Variants in MOB1B observed in about 807,000 individuals in gnomAD.
MOB1B encodes the protein MOB kinase activator 1B.
MOB1B carries 19 observed loss-of-function variants against 24.4 expected under a neutral mutation model. That is an observed-to-expected ratio of 0.78 (90% CI 0.54 to 1.14). The LOEUF (loss-of-function observed/expected upper bound fraction) is 1.14. Ranked by LOEUF, MOB1B falls within the 50% of genes most tolerant of loss-of-function variation. The pLI is 0.00. For synonymous variants in MOB1B, 76 were observed against 82.1 expected, an observed-to-expected ratio of 0.93 and a Z score of 0.40; for missense variants, 243 against 259.6, an observed-to-expected ratio of 0.94 and a Z score of 0.44.
intron 1 of MOB1B, 55 bp downstream of exon 1, chr4:70,902,605 G>T: frequency 9.1e-7 from 1 of 1,093,982 alleles, no homozygotes; most frequent in East Asian, 4.1e-5. Context: ...CTGGGCCCCC[G>T]CCCGCCGCCC....
At position 70,959,012 on chromosome 4, in the gene MOB1B, A is replaced by C. The variant is rs1362713671; in HGVS notation, c.153A>C (p.Glu51Asp). ...TGGCTGTCATGCTTCCTGAAGGGGA[A>C]GATCTCAATGAATGGGTTGCAGTTA... The part of the protein sequence containing the change: ...LRMAVMLPEG[E>D]DLNEWVAVNT... The change falls in exon 2 of 6, where the codon GAA (glutamate) becomes GAC (aspartate). Residue 51 changes from glutamate to aspartate, a missense_variant. By Grantham distance (45) the Glu-to-Asp change is conservative. Transcript: ENST00000309395. 8 of 1,613,828 alleles carry C rather than the reference A, an allele frequency of 5.0e-6. No homozygotes were observed. Among genetic ancestry groups the C allele is most frequent in the Non-Finnish European group, 6.8e-6 (8 of 1,179,956 alleles).
chr4:70,935,210 A>AT (rs1483761117), intron 1 of MOB1B, among the ~76,000 whole-genome samples: 2 of 152,138 alleles, frequency 1.3e-5, no homozygotes, highest in Non-Finnish European at 2.9e-5. Flanking sequence ...TGACCAACAA[A>AT]TGACCCTATG....
At chr4:70,979,979 G>T (rs1274779959) in intron 5 of MOB1B, among the ~76,000 whole-genome samples, 2 of 152,174 alleles carry the variant, frequency 1.3e-5, no homozygotes, top group Non-Finnish European at 2.9e-5. Context: ...GAGCTGACCA[G>T]TTTTTTATTG....
chr4:70,968,416 A>G (rs548936561), intron 2 of MOB1B, among the ~76,000 whole-genome samples: 1 of 152,056 alleles, frequency 6.6e-6, no homozygotes, highest in African/African-American at 2.4e-5. Context: ...GGTTCAAGCA[A>G]TTCTCCTGCC....
At position 70,916,779 on chromosome 4, in the gene MOB1B, G is replaced by T. The variant is rs576716993; in HGVS notation, c.14+14229G>T. On this transcript the variant is annotated intron_variant, in intron 1 of 5. Transcript: ENST00000309395. ...AGACGGGGTTTCACCATGTTGGCTA[G>T]CCTCGTCTCGAACTCCTGACCTGAG... Among the ~76,000 whole-genome samples, 9 of 152,260 alleles carry T rather than the reference G, an allele frequency of 5.9e-5. No homozygotes were observed. The East Asian group carries it at 1.7e-3, about 29-fold the overall frequency.
At chr4:70,925,803 G>A (rs1468832883) in intron 1 of MOB1B, among the ~76,000 whole-genome samples, 1 of 152,174 alleles carries the variant, frequency 6.6e-6, no homozygotes, top group Non-Finnish European at 1.5e-5. Context: ...GTCTTTGAGA[G>A]ATTCCCAATA....
intron 1 of MOB1B, among the ~76,000 whole-genome samples, chr4:70,908,375 T>C (rs1445801688): frequency 1.3e-5 from 2 of 149,100 alleles, no homozygotes; most frequent in Non-Finnish European, 3.0e-5. Context: ...CTGAACTAGG[T>C]GTATTTCTGT....
Position 70,916,976 on chromosome 4 carries a change from C to A in MOB1B, c.14+14426C>A, listed in dbSNP as rs914348731. 2.0e-5 allele frequency among the ~76,000 whole-genome samples: 3 copies of A among 152,204 alleles called. 1 individual carries two copies. The East Asian group carries it at 5.8e-4, about 29-fold the overall frequency. On this transcript the variant is annotated intron_variant, in intron 1 of 5. Coordinates refer to ENST00000309395, the MANE Select transcript of MOB1B (RefSeq NM_173468.4). ...TCAGCCAATTCCATTATAACTTTCACAGGAGAATTTAAAGTCTGTTGTGTA... is the reference window on the plus strand; with the variant it reads ...TCAGCCAATTCCATTATAACTTTCAAAGGAGAATTTAAAGTCTGTTGTGTA...
chr4:70,919,645 C>T (rs930507210), intron 1 of MOB1B, among the ~76,000 whole-genome samples: 5 of 152,202 alleles, frequency 3.3e-5, no homozygotes, highest in Admixed American at 6.5e-5. Context: ...ACTACAGGCG[C>T]GCACCACCAT....
chr4:70,960,278 C>T (rs979559272), intron 2 of MOB1B, among the ~76,000 whole-genome samples: 11 of 151,922 alleles, frequency 7.2e-5, no homozygotes, highest in East Asian at 3.9e-4. Flanking sequence ...CAGAGAATAA[C>T]GTATGAATAG....
chr4:70,929,850 G>T (rs1015546459), intron 1 of MOB1B, among the ~76,000 whole-genome samples: 1 of 151,464 alleles, frequency 6.6e-6, no homozygotes, highest in Admixed American at 6.6e-5. Flanking sequence ...TTTCGCCGTG[G>T]TCTCGATCTC....
At chr4:70,967,612 T>A (rs952391261) in intron 2 of MOB1B, among the ~76,000 whole-genome samples, 1 of 152,134 alleles carries the variant, frequency 6.6e-6, no homozygotes, top group African/African-American at 2.4e-5. Context: ...ATAATTATTA[T>A]TACTAATAGA....
intron 3 of MOB1B, among the ~76,000 whole-genome samples, chr4:70,971,260 T>C (rs1386377383): frequency 1.3e-5 from 2 of 152,150 alleles, no homozygotes; most frequent in East Asian, 1.9e-4. Context: ...CCCAGCACTT[T>C]GGGAGGCTGA....
At chr4:70,979,374 C>A in intron 5 of MOB1B, 83 bp downstream of exon 5, 2 of 1,097,912 alleles carry the variant, frequency 1.8e-6, no homozygotes, top group Non-Finnish European at 2.6e-6. Context: ...TTCACACTGT[C>A]AGGATGGAAT....
Position 70,986,979 on chromosome 4 carries a change from A to C in MOB1B, c.*4922A>C, listed in dbSNP as rs1347650024. On this transcript the variant is annotated 3_prime_UTR_variant, in exon 6 of 6. Transcript: ENST00000309395. Reference sequence around the variant, plus strand: ...AAAAATGAGTTTTGCAAATGTAATAACTTTTTCTGCATATAGAACTAAATA... The same window carrying C: ...AAAAATGAGTTTTGCAAATGTAATACCTTTTTCTGCATATAGAACTAAATA... 6.6e-6 allele frequency: 1 copy of C among 152,180 alleles called. No individual in the cohort carries two copies. Among genetic ancestry groups the C allele is most frequent in the African/African-American group, 2.4e-5 (1 of 41,458 alleles). The allele number at this position is 152,180 out of a possible 1,614,324, so 9.4% of individuals were successfully genotyped here.
At chr4:70,918,474 T>C (rs1282352150) in intron 1 of MOB1B, among the ~76,000 whole-genome samples, 1 of 152,002 alleles carries the variant, frequency 6.6e-6, no homozygotes, top group Non-Finnish European at 1.5e-5. Context: ...GTTTTTTGGC[T>C]GCATAAATGT....
chr4:70,916,255 G>A (rs1220981315), intron 1 of MOB1B, among the ~76,000 whole-genome samples: 1 of 152,116 alleles, frequency 6.6e-6, no homozygotes, highest in Non-Finnish European at 1.5e-5. Flanking sequence ...CCATTATTTT[G>A]GGTTTCTGGT....
chr4:70,939,013 G>A (rs1327416382), intron 1 of MOB1B, among the ~76,000 whole-genome samples: 1 of 151,960 alleles, frequency 6.6e-6, no homozygotes, highest in African/African-American at 2.4e-5. Context: ...GGATTCATCT[G>A]TTTTCTTGCA....
At position 70,979,134 on chromosome 4, in the gene MOB1B, C is replaced by G; in HGVS notation, c.416C>G (p.Pro139Arg). 1.9e-6 allele frequency: 3 copies of G among 1,613,032 alleles called. No homozygotes were observed. In the East Asian group the frequency reaches 6.7e-5, roughly 36 times the overall value. Residue 139 changes from proline to arginine, a missense_variant, in exon 5 of 6, where the codon CCG becomes CGG. Physicochemically the swap from Pro to Arg is moderately radical, Grantham distance 103. Transcript: ENST00000309395. ...ETLFPSKIGV[P>R]FPKNFMSVAK... ...TTGTTTATCTCTTTTCTAGGTGTCC[C>G]GTTCCCAAAGAATTTCATGTCTGTG...
Sources: gnomAD v4.1 joint callset for allele counts (sites outside exome capture counted in the v4.1 genomes callset) on GRCh38, gnomAD v4.1.1 for gene constraint, MANE v1.5 for transcripts, NCBI Gene and HGNC (gene_info 2026-07-23, HGNC 2026-07-21) for gene names.